Variants in COL1A1 observed in about 807,000 individuals in gnomAD.
COL1A1 encodes the protein collagen alpha-1(I) chain.
A neutral mutation model predicts 195.7 loss-of-function variants in COL1A1; 21 were observed. The observed-to-expected ratio is 0.11, with a 90% CI of 0.08 to 0.15. COL1A1 has a LOEUF of 0.15. Ranked by LOEUF, COL1A1 falls within the 10% of genes least tolerant of loss-of-function variation. The probability of loss-of-function intolerance (pLI) is 1.00; values close to 1 mark genes in which losing one functional copy is unlikely to be tolerated. For missense variants in COL1A1, 1,365 were observed against 2,051.0 expected, an observed-to-expected ratio of 0.67 and a Z score of 6.46; for synonymous variants, 749 against 747.3, an observed-to-expected ratio of 1.00 and a Z score of -0.04.
rs1907857933 is a variant in COL1A1 at position 50,199,313 on chromosome 17, G to T, written c.384C>A (p.Pro128=). The T allele has an allele frequency of 6.5e-7, 1 of 1,549,936 alleles. No homozygotes were observed. Among genetic ancestry groups the T allele is most frequent in the Non-Finnish European group, 8.7e-7 (1 of 1,146,068 alleles). Residue 128 remains proline, a synonymous_variant, in exon 5 of 51, where the codon CCC becomes CCA. Transcript: ENST00000225964. ...GPRGPRGPAG[P]PGRDGIPGQP... Reference sequence around the variant, plus strand: ...GTCCAGGGATGCCATCTCGGCCAGGGGGGCCTGCGGGTCCCTGCAGGGGGA... The same window carrying T: ...GTCCAGGGATGCCATCTCGGCCAGGTGGGCCTGCGGGTCCCTGCAGGGGGA...
Position 50,185,616 on chromosome 17 carries a change from A to G in COL1A1, c.4281T>C (p.Ile1427=), listed in dbSNP as rs41316725. ...GGGAGGTCTTGGTGGTTTTGTATTC[A>G]ATCACTGTCTTGCCCCAGGCTCCGG... ...SHTGAWGKTV[I]EYKTTKTSRL... is the part of the protein sequence containing the mutation. The change falls in exon 51 of 51, where the codon ATT becomes ATC. Residue 1427 remains isoleucine (I), a synonymous_variant. Transcript: ENST00000225964. 7.1e-4 allele frequency: 1,149 copies of G among 1,613,940 alleles called. 9 individuals carry two copies. The African/African-American group carries it at 0.013, about 18-fold the overall frequency.
At position 50,195,820 on chromosome 17, in the gene COL1A1, G is replaced by T; in HGVS notation, c.1056+103C>A. On this transcript the variant is annotated intron_variant, in intron 16 of 50. Coordinates refer to ENST00000225964, the MANE Select transcript of COL1A1 (RefSeq NM_000088.4). This position sits in a 1 kb window ranked among gnomAD's most constrained non-coding sequence, Gnocchi z 4.3. ...CCCAGGACAAAGGTGTTAGTGAACG[G>T]GCTGCTCTCTTGCCACTCTGGGTCC... 7.0e-7 allele frequency: 1 copy of T among 1,422,236 alleles called. No homozygotes were observed. Among genetic ancestry groups the T allele is most frequent in the Non-Finnish European group, 9.7e-7 (1 of 1,029,842 alleles). 88.1% of individuals were successfully genotyped at this position (1,422,236 alleles called of 1,614,324 possible). A position where few individuals can be genotyped will look rare whatever the true frequency, so the allele number is the denominator to read the frequency against.
At chr17:50,198,059 T>TCTTA in intron 7 of COL1A1, 57 bp from the exon 8 acceptor site, 1 of 1,609,184 alleles carries the variant, frequency 6.2e-7, no homozygotes, top group South Asian at 1.1e-5. Flanking sequence ...CCTTCTCCAA[T>TCTTA]CTTACCAAGA....
At position 50,189,576 on chromosome 17, in the gene COL1A1, G is replaced by A; in HGVS notation, c.2668-38C>T. 3 of 1,613,448 alleles carry A rather than the reference G, an allele frequency of 1.9e-6. No individual in the cohort carries two copies. Among genetic ancestry groups the A allele is most frequent in the South Asian group, 2.2e-5 (2 of 91,056 alleles). The stretch of plus-strand genomic sequence containing the variant: ...AGGAGGGGCTGTCAGACTCCAGGGG[G>A]CTCTGGTGCATCATTGGGTCCTCAG... On this transcript the variant is annotated intron_variant, in intron 38 of 50. Coordinates refer to ENST00000225964, the MANE Select transcript of COL1A1 (RefSeq NM_000088.4). This position sits in a 1 kb window ranked among gnomAD's most constrained non-coding sequence, Gnocchi z 5.5.
intron 31 of COL1A1, 113 bp downstream of exon 31, chr17:50,191,675 C>A (rs547744241): frequency 2.3e-5 from 30 of 1,282,094 alleles, no homozygotes; most frequent in African/African-American, 2.9e-5. Context: ...CTTTTCCCCC[C>A]ACCCCACACC....
In COL1A1 at chr17:50,195,857, G is replaced by A; in HGVS notation, c.1056+66C>T. ...GCCACTCTGGGTCCCTTTGGTTTGGGGAACAGGGAGACATGAACCCCTTGG... is the reference window on the plus strand; with the variant it reads ...GCCACTCTGGGTCCCTTTGGTTTGGAGAACAGGGAGACATGAACCCCTTGG... On this transcript the variant is annotated intron_variant, in intron 16 of 50. Transcript: ENST00000225964. This position sits in a 1 kb window ranked among gnomAD's most constrained non-coding sequence, Gnocchi z 4.3. The A allele has an allele frequency of 6.5e-7, 1 of 1,538,242 alleles. No homozygotes were observed. Among genetic ancestry groups the A allele is most frequent in the Non-Finnish European group, 8.8e-7 (1 of 1,134,188 alleles).
In COL1A1 at chr17:50,185,796, G is replaced by A; in HGVS notation, c.4230C>T (p.Val1410=). The part of the protein sequence containing the change: ...AEGNSRFTYS[V]TVDGCTSHTG... The stretch of plus-strand genomic sequence containing the variant: ...CACTCACCGTGCAGCCATCGACAGT[G>A]ACGCTGTAGGTGAAGCGGCTGTTGC... The change falls in exon 50 of 51, where the codon GTC becomes GTT. Residue 1410 remains valine, a synonymous_variant. Transcript: ENST00000225964. 6.2e-7 allele frequency: 1 copy of A among 1,613,916 alleles called. No homozygotes were observed. The highest frequency in any genetic ancestry group is 8.5e-7 in the Non-Finnish European group (1 of 1,180,028).
rs779181036 is a variant in COL1A1, at chr17:50,186,131, G to T, written c.4006-111C>A. The T allele has an allele frequency of 5.2e-6, 8 of 1,549,818 alleles. No homozygotes were observed. The East Asian group carries it at 1.6e-4, about 31-fold the overall frequency. ...GAGCTGCCCAATGCACCGTTATATC[G>T]AGAGGAGGCACCACCTGCCCATCGG... On this transcript the variant is annotated intron_variant, in intron 49 of 50. Coordinates refer to ENST00000225964, the MANE Select transcript of COL1A1 (RefSeq NM_000088.4). This position sits in a 1 kb window ranked among gnomAD's most constrained non-coding sequence, Gnocchi z 5.3.
rs768745696 is a variant in COL1A1, at chr17:50,194,483, C to T, written c.1516-36G>A. ...GAAGTCACAGGAACAGTTAGGGTCT[C>T]AAGTTTGTGGCTCTTTGCCACGGGC... On this transcript the variant is annotated intron_variant, in intron 22 of 50. Transcript: ENST00000225964. This position sits in a 1 kb window ranked among gnomAD's most constrained non-coding sequence, Gnocchi z 6.8. 1 of 1,613,640 alleles carries T rather than the reference C, an allele frequency of 6.2e-7. No homozygotes were observed. Among genetic ancestry groups the T allele is most frequent in the South Asian group, 1.1e-5 (1 of 91,068 alleles).
At position 50,192,216 on chromosome 17, in the gene COL1A1, A is replaced by G. The variant is rs1314836444; in HGVS notation, c.1984-192T>C. 4.1e-6 allele frequency: 3 copies of G among 732,614 alleles called. No individual in the cohort carries two copies. In the South Asian group the frequency reaches 5.3e-5, roughly 13 times the overall value. 45.4% of individuals were successfully genotyped at this position (732,614 alleles called of 1,614,324 possible). On this transcript the variant is annotated intron_variant, in intron 29 of 50. Coordinates refer to ENST00000225964, the MANE Select transcript of COL1A1 (RefSeq NM_000088.4). Reference sequence around the variant, plus strand: ...GTGTCAAAGGCTTCCCCCCTCCCCAAACTATGGACCAAGATTTATCAATAG... The same window carrying G: ...GTGTCAAAGGCTTCCCCCCTCCCCAGACTATGGACCAAGATTTATCAATAG...
rs757870401 is a variant in COL1A1 at position 50,190,812 on chromosome 17, C to T, written c.2343+5G>A. On this transcript the variant is annotated splice_donor_5th_base_variant and intron_variant, in intron 33 of 50. Transcript: ENST00000225964. The surrounding 1 kb of genome is among the most constrained non-coding windows in gnomAD (Gnocchi z 4.7). Reference sequence around the variant, plus strand: ...GGGCAGAAGGTGGGGAGGCGGCCACCTCACCTTGTCACCAGGGGCACCAGC... The same window carrying T: ...GGGCAGAAGGTGGGGAGGCGGCCACTTCACCTTGTCACCAGGGGCACCAGC... The T allele has an allele frequency of 2.5e-6, 4 of 1,611,168 alleles. No homozygotes were observed. The highest frequency in any genetic ancestry group is 3.4e-6 in the Non-Finnish European group (4 of 1,177,682).
chr17:50,186,946 G>A lies in COL1A1; in HGVS notation c.3532-24C>T. On this transcript the variant is annotated intron_variant, in intron 47 of 50. Transcript: ENST00000225964. This position sits in a 1 kb window ranked among gnomAD's most constrained non-coding sequence, Gnocchi z 5.3. ...CCCTGCACAGAGAGGGAAGAGAGTG[G>A]GGATTACCGGCATCCAAGTGCTTTG... The A allele has an allele frequency of 6.2e-7, 1 of 1,613,162 alleles. No homozygotes were observed. Among genetic ancestry groups the A allele is most frequent in the Non-Finnish European group, 8.5e-7 (1 of 1,179,562 alleles).
chr17:50,198,415 C>T lies in COL1A1; in HGVS notation c.543+18G>A. ...CCCATTCTCTCTTCTGTCATCCATG[C>T]TCCCCCTGCTGGCTCACCATGGGGC... On this transcript the variant is annotated intron_variant, in intron 6 of 50. Transcript: ENST00000225964. 1 of 1,611,856 alleles carries T rather than the reference C, an allele frequency of 6.2e-7. No homozygotes were observed. The highest frequency in any genetic ancestry group is 8.5e-7 in the Non-Finnish European group (1 of 1,178,894).
In COL1A1 at chr17:50,196,938, G is replaced by T; in HGVS notation, c.804+72C>A. 3.9e-6 allele frequency: 6 copies of T among 1,549,116 alleles called. No individual in the cohort carries two copies. In the South Asian group the frequency reaches 6.7e-5, roughly 17 times the overall value. On this transcript the variant is annotated intron_variant, in intron 11 of 50. Coordinates refer to ENST00000225964, the MANE Select transcript of COL1A1 (RefSeq NM_000088.4). ...ACCATGATGCAACTCAGTATCTTTTGGGGAAGAGGTTGGGACTGGATGGGG... is the reference window on the plus strand; with the variant it reads ...ACCATGATGCAACTCAGTATCTTTTTGGGAAGAGGTTGGGACTGGATGGGG...
Position 50,188,819 on chromosome 17 carries a change from T to G in COL1A1, c.3046-24A>C. On this transcript the variant is annotated intron_variant, in intron 41 of 50. Coordinates refer to ENST00000225964, the MANE Select transcript of COL1A1 (RefSeq NM_000088.4). The surrounding 1 kb of genome is among the most constrained non-coding windows in gnomAD (Gnocchi z 5.6). ...CCCTGCAGAGAGAGAGAGAGAGAAG[T>G]GAGAGTCAGCCGGGGAAGAGGGCTT... The G allele has an allele frequency of 6.2e-7, 1 of 1,606,530 alleles. No homozygotes were observed. Among genetic ancestry groups the G allele is most frequent in the African/African-American group, 1.4e-5 (1 of 73,138 alleles).
In COL1A1 at chr17:50,190,772, G is replaced by C; in HGVS notation, c.2343+45C>G. 3.2e-6 allele frequency: 5 copies of C among 1,559,536 alleles called. No homozygotes were observed. Among genetic ancestry groups the C allele is most frequent in the Non-Finnish European group, 4.4e-6 (5 of 1,130,844 alleles). ...ACGGAACCGTGCCCAGGCCTGCTGAGGAGGCTATGTGTTAGGGCAGAAGGT... is the reference window on the plus strand; with the variant it reads ...ACGGAACCGTGCCCAGGCCTGCTGACGAGGCTATGTGTTAGGGCAGAAGGT... On this transcript the variant is annotated intron_variant, in intron 33 of 50. Transcript: ENST00000225964. This position sits in a 1 kb window ranked among gnomAD's most constrained non-coding sequence, Gnocchi z 4.7.
At chr17:50,193,168 C>T (rs1907252026) in intron 25 of COL1A1, 121 bp from the exon 26 acceptor site, 10 of 1,028,254 alleles carry the variant, frequency 9.7e-6, no homozygotes, top group Middle Eastern at 3.0e-4. Flanking sequence ...ACTGTTTGGC[C>T]CCCGGGGAAT....
At position 50,190,016 on chromosome 17, in the gene COL1A1, T is replaced by C. The variant is rs1192086666; in HGVS notation, c.2544A>G (p.Gly848=). 1 of 1,611,644 alleles carries C rather than the reference T, an allele frequency of 6.2e-7. No individual in the cohort carries two copies. The highest frequency in any genetic ancestry group is 8.5e-7 in the Non-Finnish European group (1 of 1,179,194). ...AGCCACTCACAATGGGGCCAGGGGG[T>C]CCAGCGGGTCCGGCAGGGCCAGGGG... is the stretch of plus-strand genomic sequence containing the variant. The part of the protein sequence containing the change: ...AGPPGPAGPA[G]PPGPIGNVGA... Residue 848 remains glycine, a synonymous_variant, in exon 36 of 51, where the codon GGA becomes GGG. Coordinates refer to ENST00000225964, the MANE Select transcript of COL1A1 (RefSeq NM_000088.4). The surrounding 1 kb of genome is among the most constrained non-coding windows in gnomAD (Gnocchi z 4.7).
rs748993970 is a variant in COL1A1 at position 50,194,329 on chromosome 17, C to T, written c.1614+20G>A. ...ATGGTCAGGGCCTGGCCAAGCCAGGCTGAAAGCCTGGGGCCTCACCTTGGC... is the reference window on the plus strand; with the variant it reads ...ATGGTCAGGGCCTGGCCAAGCCAGGTTGAAAGCCTGGGGCCTCACCTTGGC... On this transcript the variant is annotated intron_variant, in intron 23 of 50. Coordinates refer to ENST00000225964, the MANE Select transcript of COL1A1 (RefSeq NM_000088.4). The surrounding 1 kb of genome is among the most constrained non-coding windows in gnomAD (Gnocchi z 6.8). 1 of 1,613,918 alleles carries T rather than the reference C, an allele frequency of 6.2e-7. No homozygotes were observed. Among genetic ancestry groups the T allele is most frequent in the Non-Finnish European group, 8.5e-7 (1 of 1,179,912 alleles).
Sources: allele counts gnomAD v4.1 joint callset, GRCh38; gene constraint gnomAD v4.1.1; non-coding constraint Gnocchi (gnomAD v3.1); transcripts MANE v1.5; gene names NCBI Gene and HGNC (gene_info 2026-07-23, HGNC 2026-07-21).